The following SCN3B variants were observed in gnomAD, a reference collection of about 807,000 sequenced individuals.
SCN3B encodes the protein sodium channel regulatory subunit beta-3.
In SCN3B, 11 loss-of-function variants were observed where a neutral mutation model predicts 25.4. The observed-to-expected ratio is 0.43, with a 90% CI of 0.27 to 0.72. The LOEUF is 0.72. SCN3B is among the 30% of genes least tolerant of loss of function. The pLI is 0.18. For synonymous variants in SCN3B, 109 were observed against 110.7 expected (o/e 0.99, Z 0.09); for missense variants, 218 against 278.3 (o/e 0.78, Z 1.54).
chr11:123,634,767 A>G (rs538692893), intron 5 of SCN3B, among the ~76,000 whole-genome samples: 1 of 152,334 alleles, frequency 6.6e-6, no homozygotes, highest in African/African-American at 2.4e-5. Flanking sequence ...GACAGCTGTG[A>G]AATTATATTT....
Position 123,642,408 on chromosome 11 carries a change from G to C in SCN3B, c.445+38C>G. ...TGTCCTACCCTTCCCTGTCCACAGA[G>C]AGCAGGACGCCCTAGAGACCCTGTG... On this transcript the variant is annotated intron_variant, in intron 4 of 6. Transcript: ENST00000299333. The surrounding 1 kb of genome is among the most constrained non-coding windows in gnomAD (Gnocchi z 4.3). The C allele has an allele frequency of 6.3e-7, 1 of 1,598,566 alleles. No homozygotes were observed. Among genetic ancestry groups the C allele is most frequent in the South Asian group, 1.1e-5 (1 of 90,738 alleles).
chr11:123,650,776 C>T (rs1042199028), intron 2 of SCN3B, among the ~76,000 whole-genome samples: 3 of 151,900 alleles, frequency 2.0e-5, no homozygotes, highest in African/African-American at 7.3e-5. Context: ...AAGTCCTTTC[C>T]CTTCCCCGAG....
In SCN3B at chr11:123,629,399, C is replaced by T. The variant is rs921744720; in HGVS notation, c.*4400G>A. On this transcript the variant is annotated 3_prime_UTR_variant, in exon 7 of 7. Transcript: ENST00000299333. ...TCAGCAGAGGCAGCTCTTGCCAAGCCGTGACGCAGGGAGGAAGCACAGAGC... is the reference window on the plus strand; with the variant it reads ...TCAGCAGAGGCAGCTCTTGCCAAGCTGTGACGCAGGGAGGAAGCACAGAGC... 5 of 152,200 alleles carry T rather than the reference C, an allele frequency of 3.3e-5. No individual in the cohort carries two copies. The highest frequency in any genetic ancestry group is 7.2e-5 in the African/African-American group (3 of 41,446). 9.4% of individuals were successfully genotyped at this position (152,200 alleles called of 1,614,324 possible). A position where few individuals can be genotyped will look rare whatever the true frequency, so the allele number is the denominator to read the frequency against.
chr11:123,644,840 T>TATATATAC (rs1257008951), intron 3 of SCN3B, among the ~76,000 whole-genome samples: 31 of 124,682 alleles, frequency 2.5e-4, no homozygotes, highest in East Asian at 5.1e-4. Flanking sequence ...TATATATATA[T>TATATATAC]ACACACACAC....
chr11:123,641,528 C>A (rs1044599372), intron 4 of SCN3B, among the ~76,000 whole-genome samples: 6 of 152,124 alleles, frequency 3.9e-5, no homozygotes, highest in African/African-American at 1.4e-4. Flanking sequence ...TTAACTTGAT[C>A]TTTTCCTTCA....
intron 5 of SCN3B, among the ~76,000 whole-genome samples, chr11:123,637,158 C>T (rs571999607): frequency 1.3e-5 from 2 of 152,302 alleles, no homozygotes; most frequent in East Asian, 1.9e-4. Flanking sequence ...CAGACCCCAC[C>T]GTTTCTCAAA....
intron 2 of SCN3B, among the ~76,000 whole-genome samples, chr11:123,651,180 C>A (rs537232585): frequency 1.5e-3 from 228 of 151,388 alleles, no homozygotes; most frequent in Non-Finnish European, 2.4e-3. Context: ...CATGCTTTAA[C>A]AAAGGAAATA....
At position 123,653,744 on chromosome 11, in the gene SCN3B, T is replaced by A. The variant is rs767074394; in HGVS notation, c.55+3A>T. 6.2e-7 allele frequency: 1 copy of A among 1,614,222 alleles called. No homozygotes were observed. The highest frequency in any genetic ancestry group is 1.1e-5 in the South Asian group (1 of 91,086). ...TCCGGCATGGCGAGGTGCTGGTACTTACCCCAGTAGATAAGCACGAGAGAA... is the reference window on the plus strand; with the variant it reads ...TCCGGCATGGCGAGGTGCTGGTACTAACCCCAGTAGATAAGCACGAGAGAA... On this transcript the variant is annotated splice_donor_region_variant and intron_variant, in intron 2 of 6. Coordinates refer to ENST00000299333, the MANE Select transcript of SCN3B (RefSeq NM_001040151.2).
chr11:123,634,433 G>A (rs775457471), intron 5 of SCN3B, among the ~76,000 whole-genome samples: 2 of 152,182 alleles, frequency 1.3e-5, no homozygotes, highest in Admixed American at 6.5e-5. Context: ...ATTTATCCAG[G>A]TTGTCTTCAG....
rs765254611 is a variant in SCN3B at position 123,642,480 on chromosome 11, C to T, written c.411G>A (p.Thr137=). The stretch of plus-strand genomic sequence containing the variant: ...TGACTCTTAGGGGGATCAGCCGCGT[C>T]GTCTTCACAAAGGGCCGATGCGCCT... The part of the protein sequence containing the change: ...EFEAHRPFVK[T]TRLIPLRVTE... The change falls in exon 4 of 7, where the codon ACG becomes ACA. Residue 137 remains threonine (T), a synonymous_variant. Coordinates refer to ENST00000299333, the MANE Select transcript of SCN3B (RefSeq NM_001040151.2). This position sits in a 1 kb window ranked among gnomAD's most constrained non-coding sequence, Gnocchi z 4.3. 8.7e-6 allele frequency: 14 copies of T among 1,614,030 alleles called. No homozygotes were observed. The highest frequency in any genetic ancestry group is 6.7e-5 in the African/African-American group (5 of 74,912).
At chr11:123,646,052 T>G (rs1955850817) in intron 2 of SCN3B, among the ~76,000 whole-genome samples, 1 of 151,998 alleles carries the variant, frequency 6.6e-6, no homozygotes, top group Admixed American at 6.5e-5. Context: ...CTCTAAGTCT[T>G]ATAGCCCAAA....
Position 123,632,189 on chromosome 11 carries a change from G to A in SCN3B, c.*1610C>T, listed in dbSNP as rs546177406. The A allele has an allele frequency of 6.6e-6, 1 of 152,276 alleles. No homozygotes were observed. Among genetic ancestry groups the A allele is most frequent in the East Asian group, 1.9e-4 (1 of 5,184 alleles). 9.4% of individuals were successfully genotyped at this position (152,276 alleles called of 1,614,324 possible). A position where few individuals can be genotyped will look rare whatever the true frequency, so the allele number is the denominator to read the frequency against. On this transcript the variant is annotated 3_prime_UTR_variant, in exon 7 of 7. Coordinates refer to ENST00000299333, the MANE Select transcript of SCN3B (RefSeq NM_001040151.2). ...AAAATCTGAAAATTATGCATTCATA[G>A]GCGAAGTATTTGGAAAGCACCTACC...
Position 123,631,517 on chromosome 11 carries a change from CTCTT to C in SCN3B, c.*2278_*2281del, listed in dbSNP as rs1346246186. On this transcript the variant is annotated 3_prime_UTR_variant, in exon 7 of 7. Transcript: ENST00000299333. ...AAATATTTTCTTCAACAAAATCAGACTCTTTAATGTGTTAACGGTCTGGTTTTGG... is the reference window on the plus strand; with the variant it reads ...AAATATTTTCTTCAACAAAATCAGACTAATGTGTTAACGGTCTGGTTTTGG... The C allele has an allele frequency of 6.6e-6, 1 of 152,168 alleles. No homozygotes were observed. Among genetic ancestry groups the C allele is most frequent in the Non-Finnish European group, 1.5e-5 (1 of 68,036 alleles). 9.4% of individuals were successfully genotyped at this position (152,168 alleles called of 1,614,324 possible).
chr11:123,648,548 T>C (rs1325058567), intron 2 of SCN3B, among the ~76,000 whole-genome samples: 2 of 152,072 alleles, frequency 1.3e-5, no homozygotes, highest in African/African-American at 4.8e-5. Flanking sequence ...TACATTCCAA[T>C]GGAGGGAGAG....
At chr11:123,636,850 T>C (rs934176399) in intron 5 of SCN3B, among the ~76,000 whole-genome samples, 2 of 152,014 alleles carry the variant, frequency 1.3e-5, no homozygotes, top group African/African-American at 4.8e-5. Context: ...CCCGCCACCA[T>C]GCCCGGCTAA....
chr11:123,638,417 A>G, intron 4 of SCN3B, 93 bp from the exon 5 acceptor site: 4 of 1,530,048 alleles, frequency 2.6e-6, no homozygotes, highest in Non-Finnish European at 3.6e-6. Flanking sequence ...TTAAATAAAG[A>G]CTGAGTAAAG....
chr11:123,647,746 CTG>C (rs1955870353), intron 2 of SCN3B, among the ~76,000 whole-genome samples: 1 of 152,150 alleles, frequency 6.6e-6, no homozygotes, highest in South Asian at 2.1e-4. Flanking sequence ...AGTCCAAAAA[CTG>C]TGTTTGATTG....
intron 3 of SCN3B, among the ~76,000 whole-genome samples, chr11:123,644,743 TG>T: frequency 7.2e-6 from 1 of 139,174 alleles, no homozygotes; most frequent in South Asian, 2.4e-4. Context: ...GCACTCCAGC[TG>T]GGTGACAGAG....
chr11:123,632,245 T>C lies in SCN3B; in HGVS notation c.*1554A>G, dbSNP rs1955680693. ...CTCCCCTCTCACACTGCTCATTTAC[T>C]TATGATCCATCTCAGACTAAACATT... On this transcript the variant is annotated 3_prime_UTR_variant, in exon 7 of 7. Transcript: ENST00000299333. 6.6e-6 allele frequency: 1 copy of C among 152,252 alleles called. No individual in the cohort carries two copies. The highest frequency in any genetic ancestry group is 2.4e-5 in the African/African-American group (1 of 41,472). The allele number at this position is 152,252 out of a possible 1,614,324, so 9.4% of individuals were successfully genotyped here.
Sources: allele counts gnomAD v4.1 joint callset (sites outside exome capture counted in the v4.1 genomes callset), GRCh38; gene constraint gnomAD v4.1.1; non-coding constraint Gnocchi (gnomAD v3.1); transcripts MANE v1.5; gene names NCBI Gene and HGNC (gene_info 2026-07-23, HGNC 2026-07-21).